The following ARNT2 variants were observed in gnomAD, a reference collection of about 807,000 sequenced individuals.
ARNT2 encodes the protein aryl hydrocarbon receptor nuclear translocator 2.
In ARNT2, 36 loss-of-function variants were observed where a neutral mutation model predicts 91.7. That is an observed-to-expected ratio of 0.39 (90% CI 0.30 to 0.52). ARNT2 has a LOEUF of 0.52. Among genes scored for constraint, ARNT2 ranks in the 20% least tolerant of loss-of-function variants. ARNT2 has a pLI of 0.72. For synonymous variants in ARNT2, 365 were observed against 347.1 expected (o/e 1.05, Z -0.57); for missense variants, 775 against 939.3 (o/e 0.83, Z 2.29).
intron 8 of ARNT2, among the ~76,000 whole-genome samples, chr15:80,517,217 A>G (rs1486259622): frequency 3.3e-5 from 5 of 152,134 alleles, no homozygotes; most frequent in African/African-American, 1.2e-4. Flanking sequence ...ATTATGAGAT[A>G]TGGAAATATA....
intron 17 of ARNT2, among the ~76,000 whole-genome samples, chr15:80,589,227 A>G (rs1893230259): frequency 6.6e-6 from 1 of 152,184 alleles, no homozygotes; most frequent in Admixed American, 6.5e-5. Flanking sequence ...AGAATGATCA[A>G]GAGTGTTGGA....
At chr15:80,408,830 A>G (rs542766337) in intron 1 of ARNT2, among the ~76,000 whole-genome samples, 2 of 152,360 alleles carry the variant, frequency 1.3e-5, no homozygotes, top group South Asian at 4.1e-4. Flanking sequence ...AAGAAGTGAT[A>G]CCTGAAAAAA....
At chr15:80,519,382 T>C (rs957160806) in intron 8 of ARNT2, among the ~76,000 whole-genome samples, 5 of 152,216 alleles carry the variant, frequency 3.3e-5, no homozygotes, top group African/African-American at 9.7e-5. Context: ...GAGTCTTTGA[T>C]CAGCCTTTCA....
chr15:80,448,988 A>AAAAACAAAAC (rs368146696), intron 1 of ARNT2, among the ~76,000 whole-genome samples: 4 of 152,074 alleles, frequency 2.6e-5, no homozygotes, highest in African/African-American at 7.3e-5. Context: ...CCGTCTCAAA[A>AAAAACAAAAC]AAAACAAAAC....
rs895151176 is a variant in ARNT2 at position 80,595,574 on chromosome 15, CA to C, written c.*1877del. On this transcript the variant is annotated 3_prime_UTR_variant, in exon 19 of 19. Transcript: ENST00000303329. The stretch of plus-strand genomic sequence containing the variant: ...GGACCTACAAAAGTCAAACATTGCT[CA>C]GTAAAATGCCTTTGGCTGGTCGCCA... 18 of 152,392 alleles carry C rather than the reference CA, an allele frequency of 1.2e-4. No homozygotes were observed. Among genetic ancestry groups the C allele is most frequent in the African/African-American group, 4.3e-4 (18 of 41,594 alleles). 9.4% of individuals were successfully genotyped at this position (152,392 alleles called of 1,614,324 possible). A position where few individuals can be genotyped will look rare whatever the true frequency, so the allele number is the denominator to read the frequency against.
intron 8 of ARNT2, among the ~76,000 whole-genome samples, chr15:80,547,617 C>A (rs1898011243): frequency 6.6e-6 from 1 of 151,732 alleles, no homozygotes; most frequent in Admixed American, 6.6e-5. Flanking sequence ...GATATTTTCT[C>A]AAAAAAAATT....
intron 1 of ARNT2, among the ~76,000 whole-genome samples, chr15:80,445,413 G>A (rs575554539): frequency 5.4e-4 from 80 of 148,518 alleles, no homozygotes; most frequent in African/African-American, 1.9e-3. Flanking sequence ...TGTGTTGAGA[G>A]CAGTGGGGAT....
intron 8 of ARNT2, among the ~76,000 whole-genome samples, chr15:80,522,919 C>T (rs1317511122): frequency 1.3e-5 from 2 of 151,926 alleles, no homozygotes; most frequent in Non-Finnish European, 2.9e-5. Context: ...TCCAGCTGGA[C>T]TCAAGGATGG....
intron 1 of ARNT2, among the ~76,000 whole-genome samples, chr15:80,448,834 A>G (rs1896343651): frequency 6.6e-6 from 1 of 152,152 alleles, no homozygotes; most frequent in African/African-American, 2.4e-5. Flanking sequence ...ATACAAAAAA[A>G]ATTAGCCGGG....
intron 12 of ARNT2, among the ~76,000 whole-genome samples, chr15:80,568,636 C>T (rs757065688): frequency 5.3e-5 from 8 of 152,190 alleles, no homozygotes; most frequent in South Asian, 2.1e-4. Context: ...CTCTGCAGAG[C>T]GTAGAGGCAG....
intron 6 of ARNT2, among the ~76,000 whole-genome samples, chr15:80,508,688 T>C (rs1438849938): frequency 1.3e-5 from 2 of 152,252 alleles, no homozygotes; most frequent in Non-Finnish European, 1.5e-5. Context: ...TTGATTGATA[T>C]GTTAAATGTA....
At chr15:80,503,814 C>G (rs1009021285) in intron 5 of ARNT2, among the ~76,000 whole-genome samples, 1 of 152,226 alleles carries the variant, frequency 6.6e-6, no homozygotes, top group Non-Finnish European at 1.5e-5. Flanking sequence ...GAATTCTGGT[C>G]TACACATCCT....
intron 8 of ARNT2, among the ~76,000 whole-genome samples, chr15:80,514,779 C>T (rs564464433): frequency 2.0e-4 from 31 of 152,082 alleles, no homozygotes; most frequent in South Asian, 1.9e-3. Context: ...CCAGCTACTT[C>T]GGAGGCTGAG....
chr15:80,455,951 T>G (rs1244845288), intron 2 of ARNT2, among the ~76,000 whole-genome samples: 2 of 152,286 alleles, frequency 1.3e-5, no homozygotes, highest in South Asian at 2.1e-4. Flanking sequence ...ATAACCTTCA[T>G]GTGGACGGCA....
intron 17 of ARNT2, 99 bp downstream of exon 17, chr15:80,581,503 C>G: frequency 6.7e-7 from 1 of 1,496,786 alleles, no homozygotes; most frequent in South Asian, 1.2e-5. Flanking sequence ...TCCCAGCTAC[C>G]AAAACAAGGT....
chr15:80,450,738 C>T (rs1369956921), intron 1 of ARNT2, 142 bp from the exon 2 acceptor site: 7 of 789,732 alleles, frequency 8.9e-6, no homozygotes, highest in Non-Finnish European at 1.5e-5. Context: ...AGCCACATAG[C>T]TGATGATGGC....
chr15:80,493,759 C>T (rs1443752561), intron 5 of ARNT2, among the ~76,000 whole-genome samples: 2 of 152,066 alleles, frequency 1.3e-5, no homozygotes, highest in Non-Finnish European at 2.9e-5. Context: ...AATGGTTGTC[C>T]CCTCCAAATC....
At chr15:80,552,411 C>G in intron 9 of ARNT2, among the ~76,000 whole-genome samples, 1 of 152,078 alleles carries the variant, frequency 6.6e-6, no homozygotes, top group East Asian at 1.9e-4. Flanking sequence ...TTTATTATTC[C>G]CATTGGTTGA....
chr15:80,475,250 G>T, intron 5 of ARNT2, 27 bp downstream of exon 5: 1 of 1,611,104 alleles, frequency 6.2e-7, no homozygotes, highest in Non-Finnish European at 8.5e-7. Context: ...TTATGAGGCT[G>T]TTTGACTCTA....
Sources: allele counts gnomAD v4.1 joint callset (sites outside exome capture counted in the v4.1 genomes callset), GRCh38; gene constraint gnomAD v4.1.1; transcripts MANE v1.5; gene names NCBI Gene and HGNC (gene_info 2026-07-23, HGNC 2026-07-21).